The following ULK4 variants were observed in gnomAD, a reference collection of about 807,000 sequenced individuals.
The protein encoded by ULK4 is inactive serine/threonine-protein kinase ULK4.
Under a neutral mutation model 160.6 loss-of-function variants are expected in ULK4, and 133 were observed. The observed-to-expected ratio is 0.83, with a 90% confidence interval of 0.72 to 0.96. The LOEUF (loss-of-function observed/expected upper bound fraction) is 0.96. Among genes scored for constraint, ULK4 ranks in the 40% least tolerant of loss-of-function variants. The pLI is 0.00. For synonymous variants in ULK4, 534 were observed against 539.8 expected (o/e 0.99, Z 0.15); for missense variants, 1,580 against 1,499.5 (o/e 1.05, Z -0.89).
At chr3:41,772,153 A>G (rs938600798) in intron 21 of ULK4, among the ~76,000 whole-genome samples, 1 of 152,238 alleles carries the variant, frequency 6.6e-6, no homozygotes, top group Non-Finnish European at 1.5e-5. Context: ...ATCACAATTA[A>G]AAGAACTAGA....
intron 32 of ULK4, among the ~76,000 whole-genome samples, chr3:41,514,378 G>C (rs1157075575): frequency 6.6e-6 from 1 of 152,174 alleles, no homozygotes; most frequent in Admixed American, 6.5e-5. Flanking sequence ...AGGGGGTCGT[G>C]CGAAGCAAAG....
At chr3:41,747,320 C>T (rs1453570348) in intron 22 of ULK4, among the ~76,000 whole-genome samples, 4 of 151,906 alleles carry the variant, frequency 2.6e-5, no homozygotes, top group Admixed American at 2.6e-4. Context: ...GTGGAAGCTC[C>T]TTCACATTGG....
chr3:41,797,791 G>A (rs1172205620), intron 20 of ULK4, among the ~76,000 whole-genome samples: 2 of 152,090 alleles, frequency 1.3e-5, no homozygotes, highest in Non-Finnish European at 2.9e-5. Flanking sequence ...AAACTGGGAG[G>A]AAGAGGTTGC....
chr3:41,305,955 T>A (rs1575415591), intron 35 of ULK4, among the ~76,000 whole-genome samples: 2 of 136,584 alleles, frequency 1.5e-5, no homozygotes, highest in Non-Finnish European at 1.6e-5. Flanking sequence ...GGCCGCCCCG[T>A]CTGAGAAGTG....
At chr3:41,913,522 G>C (rs1698867763) in intron 8 of ULK4, among the ~76,000 whole-genome samples, 1 of 152,162 alleles carries the variant, frequency 6.6e-6, no homozygotes, top group African/African-American at 2.4e-5. Context: ...ACCGTGCTCA[G>C]CGTAATTTGA....
chr3:41,444,028 T>G (rs1314185861), intron 34 of ULK4, among the ~76,000 whole-genome samples: 1 of 152,108 alleles, frequency 6.6e-6, no homozygotes, highest in African/African-American at 2.4e-5. Context: ...ACAAAATAAT[T>G]CTGTACTTCT....
chr3:41,526,572 G>A (rs2086123959), intron 32 of ULK4, among the ~76,000 whole-genome samples: 2 of 152,152 alleles, frequency 1.3e-5, no homozygotes, highest in South Asian at 4.1e-4. Flanking sequence ...TAATGCCCTT[G>A]CAATTCTGAA....
chr3:41,608,755 GGCCAGAATTCAGGGGA>G (rs1368366419), intron 31 of ULK4, among the ~76,000 whole-genome samples: 2 of 152,144 alleles, frequency 1.3e-5, no homozygotes, highest in Non-Finnish European at 2.9e-5. Context: ...CACTTGCCAT[GGCCAGAATTCAGGGGA>G]GCCACATCCA....
intron 16 of ULK4, among the ~76,000 whole-genome samples, chr3:41,894,654 C>T (rs968977880): frequency 5.3e-5 from 8 of 152,036 alleles, no homozygotes; most frequent in Non-Finnish European, 8.8e-5. Flanking sequence ...GAATAATTAC[C>T]AAAAATCTAT....
intron 34 of ULK4, among the ~76,000 whole-genome samples, chr3:41,432,251 T>C (rs910800366): frequency 6.6e-6 from 1 of 152,114 alleles, no homozygotes; most frequent in Non-Finnish European, 1.5e-5. Flanking sequence ...ATAGAGACTT[T>C]AAAGAAATAC....
intron 12 of ULK4, 109 bp from the exon 13 acceptor site, chr3:41,900,938 T>C (rs1036462441): frequency 8.8e-6 from 6 of 681,376 alleles, no homozygotes; most frequent in Admixed American, 2.5e-5. Flanking sequence ...ATCACCTATA[T>C]CAATGTACTT....
intron 32 of ULK4, among the ~76,000 whole-genome samples, chr3:41,557,354 A>C (rs2087336774): frequency 6.6e-6 from 1 of 151,956 alleles, no homozygotes; most frequent in South Asian, 2.1e-4. Context: ...ATTTACAATT[A>C]TTATATGACT....
chr3:41,349,956 T>C (rs2080875791), intron 35 of ULK4, among the ~76,000 whole-genome samples: 1 of 152,242 alleles, frequency 6.6e-6, no homozygotes, highest in Admixed American at 6.5e-5. Flanking sequence ...CATCTTGCCA[T>C]TATTAATGTG....
At chr3:41,778,009 AG>A (rs1235964387) in intron 21 of ULK4, among the ~76,000 whole-genome samples, 1 of 129,808 alleles carries the variant, frequency 7.7e-6, no homozygotes, top group Non-Finnish European at 1.6e-5. Flanking sequence ...AAGGAAATAA[AG>A]GGTATTCAAT....
chr3:41,849,667 A>C (rs561364968), intron 17 of ULK4, among the ~76,000 whole-genome samples: 2 of 152,304 alleles, frequency 1.3e-5, no homozygotes, highest in African/African-American at 4.8e-5. Context: ...TAATGTGTCA[A>C]TGTAGGTTTA....
At chr3:41,482,781 C>G (rs1379426918) in intron 32 of ULK4, among the ~76,000 whole-genome samples, 1 of 152,154 alleles carries the variant, frequency 6.6e-6, no homozygotes, top group Non-Finnish European at 1.5e-5. Flanking sequence ...TCTCTGCAGA[C>G]AAGTACTTTC....
intron 34 of ULK4, among the ~76,000 whole-genome samples, chr3:41,424,600 C>A (rs1255882870): frequency 2.0e-5 from 3 of 152,150 alleles, no homozygotes; most frequent in African/African-American, 7.2e-5. Flanking sequence ...GGAGCCTCCA[C>A]TGGTGACACC....
At chr3:41,940,227 C>T (rs1011800257) in intron 2 of ULK4, among the ~76,000 whole-genome samples, 1 of 152,084 alleles carries the variant, frequency 6.6e-6, no homozygotes, top group East Asian at 1.9e-4. Context: ...TTCCTTTCAC[C>T]TCCAGAGGTC....
In ULK4 at chr3:41,432,255, G is replaced by A. The variant is rs79077772; in HGVS notation, c.3492+23242C>T. 1.3e-3 allele frequency among the ~76,000 whole-genome samples: 191 copies of A among 152,180 alleles called. No individual in the cohort carries two copies. In the East Asian group the frequency reaches 0.028, roughly 22 times the overall value. On this transcript the variant is annotated intron_variant, in intron 34 of 36. Transcript: ENST00000301831. ...ATGACCTTGAAATAGAGACTTTAAA[G>A]AAATACAAGCATAAATGATTATGTT...
Sources: allele counts gnomAD v4.1 joint callset (sites outside exome capture counted in the v4.1 genomes callset), GRCh38; gene constraint gnomAD v4.1.1; transcripts MANE v1.5; gene names NCBI Gene and HGNC (gene_info 2026-07-23, HGNC 2026-07-21).